WASHC5: variants seen among roughly 807,000 people sequenced by gnomAD.
WASHC5 encodes WASH complex subunit strumpellin.
Under a neutral mutation model 150.4 loss-of-function variants are expected in WASHC5, and 101 were observed. The ratio of observed to expected loss-of-function variants is 0.67; its 90% CI spans 0.57 to 0.79. The LOEUF (loss-of-function observed/expected upper bound fraction) is 0.79, where lower values mean the gene tolerates loss of function less well. WASHC5 is among the 30% of genes least tolerant of loss of function. WASHC5 has a pLI of 0.00. For missense variants in WASHC5, 1,195 were observed against 1,396.3 expected, an observed-to-expected ratio of 0.86 and a Z score of 2.30; for synonymous variants, 467 against 491.2, an observed-to-expected ratio of 0.95 and a Z score of 0.65.
At chr8:125,089,600 T>C (rs1173069595) in intron 1 of WASHC5, among the ~76,000 whole-genome samples, 1 of 152,146 alleles carries the variant, frequency 6.6e-6, no homozygotes, top group Non-Finnish European at 1.5e-5. Flanking sequence ...AGGGCAACAA[T>C]GTGGCCCTGG....
At chr8:125,058,425 G>A (rs531925434) in intron 14 of WASHC5, among the ~76,000 whole-genome samples, 34 of 152,056 alleles carry the variant, frequency 2.2e-4, no homozygotes, top group Non-Finnish European at 4.9e-4. Flanking sequence ...CAGAATTGAT[G>A]TACATGGTAC....
At chr8:125,027,499 C>A (rs1815407361) in intron 28 of WASHC5, among the ~76,000 whole-genome samples, 1 of 152,174 alleles carries the variant, frequency 6.6e-6, no homozygotes, top group South Asian at 2.1e-4. Flanking sequence ...ATTATTCTTA[C>A]AAGTGAAGTA....
chr8:125,028,700 T>C lies in WASHC5; in HGVS notation c.3343A>G (p.Ile1115Val), dbSNP rs1412399176. Residue 1115 changes from isoleucine (I) to valine (V), a missense_variant, in exon 28 of 29, where the codon ATA becomes GTA. Ile to Val is a conservative substitution (Grantham distance 29, BLOSUM62 3). This residue lies in a region of WASHC5 where 997 missense variants were observed against 1,168.1 expected (regional missense o/e 0.85). Transcript: ENST00000318410. ...ACAACATCTGCAGGAATTTCAGGTATCTTCTGGCTGTGATAGAGAACAGTT... is the reference window on the plus strand; with the variant it reads ...ACAACATCTGCAGGAATTTCAGGTACCTTCTGGCTGTGATAGAGAACAGTT... ...STVEQCTSQK[I>V]PEIPADVVGA... 6.2e-7 allele frequency: 1 copy of C among 1,613,034 alleles called. No individual in the cohort carries two copies.
Position 125,083,756 on chromosome 8 carries a change from TG to T in WASHC5, c.142del (p.Gln48AsnfsTer33), listed in dbSNP as rs1563637450. The T allele has an allele frequency of 1.2e-6, 2 of 1,613,722 alleles. No homozygotes were observed. The highest frequency in any genetic ancestry group is 1.7e-6 in the Non-Finnish European group (2 of 1,179,772). On this transcript the variant is annotated frameshift_variant, in exon 2 of 29. Coordinates refer to ENST00000318410, the MANE Select transcript of WASHC5 (RefSeq NM_014846.4). LOFTEE classifies it high-confidence loss of function. ...AAATATGATATCTCCATATTTCTGT[TG>T]ATCAGCTCTGTCTTTTAACCTGAAC... ...AVFRLKDRAD[Q>X]QKYGDIIFDF...
chr8:125,025,914 A>G (rs1037008219), intron 28 of WASHC5, among the ~76,000 whole-genome samples: 1 of 151,806 alleles, frequency 6.6e-6, no homozygotes, highest in East Asian at 1.9e-4. Flanking sequence ...TAAATCTTAT[A>G]TTATGAACAT....
At chr8:125,029,981 G>T (rs531954587) in intron 27 of WASHC5, among the ~76,000 whole-genome samples, 15 of 152,292 alleles carry the variant, frequency 9.8e-5, no homozygotes, top group African/African-American at 3.6e-4. Flanking sequence ...GAATTCCCAT[G>T]CGTCACAGGT....
In WASHC5 at chr8:125,043,909, A is replaced by C; in HGVS notation, c.2771-5T>G. 6.2e-7 allele frequency: 1 copy of C among 1,611,174 alleles called. No homozygotes were observed. Among genetic ancestry groups the C allele is most frequent in the Non-Finnish European group, 8.5e-7 (1 of 1,177,326 alleles). ...AATAAATTTTATTTGAATTTGCTGA[A>C]AAGTTAAAACATAATTTTCTCTTTA... On this transcript the variant is annotated splice_polypyrimidine_tract_variant and splice_region_variant and intron_variant, in intron 22 of 28. Coordinates refer to ENST00000318410, the MANE Select transcript of WASHC5 (RefSeq NM_014846.4).
At chr8:125,070,763 T>C in intron 9 of WASHC5, among the ~76,000 whole-genome samples, 1 of 152,200 alleles carries the variant, frequency 6.6e-6, no homozygotes, top group African/African-American at 2.4e-5. Context: ...AAATTGTAAA[T>C]GGATATAGGC....
intron 19 of WASHC5, 54 bp downstream of exon 19, chr8:125,048,952 T>C: frequency 7.0e-7 from 1 of 1,430,148 alleles, no homozygotes; most frequent in Non-Finnish European, 9.6e-7. Flanking sequence ...GGATGTGTAC[T>C]CTAAACATGA....
intron 1 of WASHC5, among the ~76,000 whole-genome samples, chr8:125,089,217 G>A (rs1440112958): frequency 1.3e-5 from 2 of 152,220 alleles, no homozygotes; most frequent in East Asian, 1.9e-4. Context: ...AATGGACAGT[G>A]GGCAAAACAG....
chr8:125,074,797 T>A (rs569226019), intron 8 of WASHC5, among the ~76,000 whole-genome samples: 8 of 152,320 alleles, frequency 5.3e-5, no homozygotes, highest in Admixed American at 5.2e-4. Context: ...GGGATCCTAA[T>A]CTTCAATTTA....
rs202165114 is a variant in WASHC5, at chr8:125,063,584, C to T, written c.1346G>A (p.Arg449Gln). ...AAAGACATCAGCAAGCTCAGTCATC[C>T]GCTCCGAACCCTCTTTCTTGTAATG... is the stretch of plus-strand genomic sequence containing the variant. The part of the protein sequence containing the change: ...WEHYKKEGSE[R>Q]MTELADVFSG... The change falls in exon 11 of 29, where the codon CGG becomes CAG. Residue 449 changes from arginine (R) to glutamine (Q), a missense_variant. Physicochemically the swap from Arg to Gln is conservative, Grantham distance 43. Around this residue, in one of 3 missense-constraint regions of WASHC5, gnomAD observed 997 missense variants for 1,168.1 expected, o/e 0.85. Coordinates refer to ENST00000318410, the MANE Select transcript of WASHC5 (RefSeq NM_014846.4). 5.5e-4 allele frequency: 882 copies of T among 1,613,706 alleles called. 3 individuals carry two copies. Among genetic ancestry groups the T allele is most frequent in the African/African-American group, 1.6e-4 (12 of 74,860 alleles).
intron 1 of WASHC5, among the ~76,000 whole-genome samples, chr8:125,085,357 A>G (rs1307793834): frequency 6.6e-6 from 1 of 152,220 alleles, no homozygotes; most frequent in Non-Finnish European, 1.5e-5. Flanking sequence ...GACCTATTTT[A>G]GTATGTAACA....
At chr8:125,074,905 C>A in intron 8 of WASHC5, 93 bp downstream of exon 8, 1 of 807,910 alleles carries the variant, frequency 1.2e-6, no homozygotes, top group Non-Finnish European at 2.2e-6. Context: ...AAGTGATTAT[C>A]TTCCAAATTC....
Position 125,048,992 on chromosome 8 carries a change from A to G in WASHC5, c.2379+14T>C, listed in dbSNP as rs1816156598. Reference sequence around the variant, plus strand: ...TAACAAATATAGTCAAGAATTTTAAAATTTATTAGATACCTTCGTTCTTAG... The same window carrying G: ...TAACAAATATAGTCAAGAATTTTAAGATTTATTAGATACCTTCGTTCTTAG... On this transcript the variant is annotated intron_variant, in intron 19 of 28. Coordinates refer to ENST00000318410, the MANE Select transcript of WASHC5 (RefSeq NM_014846.4). The G allele has an allele frequency of 1.9e-6, 3 of 1,594,132 alleles. No individual in the cohort carries two copies. The East Asian group carries it at 6.7e-5, about 36-fold the overall frequency.
chr8:125,075,972 G>C (rs1305637647), intron 7 of WASHC5, among the ~76,000 whole-genome samples: 3 of 152,158 alleles, frequency 2.0e-5, no homozygotes, highest in Non-Finnish European at 4.4e-5. Flanking sequence ...TTATTAAAGT[G>C]AAATTCCTAT....
rs746336406 is a variant in WASHC5 at position 125,024,620 on chromosome 8, C to T, written c.3477G>A (p.Leu1159=). The T allele has an allele frequency of 6.9e-5, 110 of 1,603,718 alleles. No homozygotes were observed. Among genetic ancestry groups the T allele is most frequent in the Non-Finnish European group, 8.9e-5 (104 of 1,170,744 alleles). Residue 1159 remains leucine, a synonymous_variant, in exon 29 of 29, where the codon CTG becomes CTA. Transcript: ENST00000318410. ...NFIFDEFRTV[L] is the part of the protein sequence containing the mutation. Reference sequence around the variant, plus strand: ...ATTGAAGAAGTAGGAAAAACAGTTACAGCACTGTTCTGAACTCATCAAAAA... The same window carrying T: ...ATTGAAGAAGTAGGAAAAACAGTTATAGCACTGTTCTGAACTCATCAAAAA...
intron 6 of WASHC5, among the ~76,000 whole-genome samples, chr8:125,077,320 C>A (rs1403308173): frequency 6.6e-6 from 1 of 152,250 alleles, no homozygotes; most frequent in Non-Finnish European, 1.5e-5. Context: ...CCCACCTTTT[C>A]TCTCCCTCCA....
At chr8:125,047,540 C>T (rs1384488146) in intron 19 of WASHC5, among the ~76,000 whole-genome samples, 1 of 151,744 alleles carries the variant, frequency 6.6e-6, no homozygotes, top group Admixed American at 6.6e-5. Flanking sequence ...CGGGTGCAAG[C>T]GATTCTTTTG....
Sources: gnomAD v4.1 joint callset for allele counts (sites outside exome capture counted in the v4.1 genomes callset) on GRCh38, gnomAD v4.1.1 for gene constraint, gnomAD v4.1.1 regional missense constraint, MANE v1.5 for transcripts, NCBI Gene and HGNC (gene_info 2026-07-23, HGNC 2026-07-21) for gene names.